The following PTPN2 variants were observed in gnomAD, a reference collection of about 807,000 sequenced individuals.
The protein encoded by PTPN2 is protein tyrosine phosphatase non-receptor type 2.
A neutral mutation model predicts 57.3 loss-of-function variants in PTPN2; 19 were observed. That is an observed-to-expected ratio of 0.33 (90% CI 0.23 to 0.49). The LOEUF is 0.49. PTPN2 is among the 20% of genes least tolerant of loss of function. The pLI is 0.99. For missense variants in PTPN2, 358 were observed against 501.1 expected, an observed-to-expected ratio of 0.71 and a Z score of 2.73; for synonymous variants, 153 against 164.9, an observed-to-expected ratio of 0.93 and a Z score of 0.55.
At chr18:12,872,605 G>A (rs2044307723) in intron 1 of PTPN2, among the ~76,000 whole-genome samples, 1 of 152,184 alleles carries the variant, frequency 6.6e-6, no homozygotes, top group Non-Finnish European at 1.5e-5. Context: ...TCAGTTTCTT[G>A]ACCACAATTT....
chr18:12,822,790 T>C (rs1203694188), intron 5 of PTPN2, among the ~76,000 whole-genome samples: 1 of 152,184 alleles, frequency 6.6e-6, no homozygotes, highest in East Asian at 1.9e-4. Context: ...CCTTTTCAAC[T>C]ACTCCCGGTT....
At chr18:12,865,826 A>T (rs2043973604) in intron 1 of PTPN2, among the ~76,000 whole-genome samples, 1 of 152,074 alleles carries the variant, frequency 6.6e-6, no homozygotes, top group Middle Eastern at 3.4e-3. Context: ...AAAAAAAACC[A>T]AAAAACAAAA....
chr18:12,819,206 G>C, intron 5 of PTPN2: 1 of 1,346,424 alleles, frequency 7.4e-7, no homozygotes, highest in Non-Finnish European at 1.0e-6. Flanking sequence ...TTTCTAAAAA[G>C]TACATACTTT....
At chr18:12,819,212 A>G (rs1185257904) in intron 5 of PTPN2, 2 of 1,382,468 alleles carry the variant, frequency 1.4e-6, no homozygotes, top group Non-Finnish European at 1.9e-6. Flanking sequence ...AAAAGTACAT[A>G]CTTTTAGTGA....
intron 5 of PTPN2, chr18:12,819,425 A>C (rs2042195068): frequency 2.5e-6 from 1 of 400,876 alleles, no homozygotes; most frequent in Non-Finnish European, 4.4e-6. Flanking sequence ...TTTTTATGAC[A>C]TTCTGGAAAA....
chr18:12,874,533 TG>T lies in PTPN2; in HGVS notation c.69+9539del, dbSNP rs748527941. ...CCAGCCGCCCCGTCCGGGAGGAAGGTGGGGGGGGGTCAGCTCCCCGCCCGGC... is the reference window on the plus strand; with the variant it reads ...CCAGCCGCCCCGTCCGGGAGGAAGGTGGGGGGGGTCAGCTCCCCGCCCGGC... On this transcript the variant is annotated intron_variant, in intron 1 of 8. Transcript: ENST00000309660. Among the ~76,000 whole-genome samples, 95 of 57,080 alleles carry T rather than the reference TG, an allele frequency of 1.7e-3. 2 individuals carry two copies. The highest frequency in any genetic ancestry group is 3.8e-3 in the African/African-American group (53 of 14,078). 37.4% of individuals were successfully genotyped at this position (57,080 alleles called of 152,430 possible).
At chr18:12,818,263 T>A (rs2042145679) in intron 5 of PTPN2, among the ~76,000 whole-genome samples, 1 of 152,216 alleles carries the variant, frequency 6.6e-6, no homozygotes, top group Admixed American at 6.5e-5. Context: ...TCTTTTAGAT[T>A]CTGCTACACA....
Position 12,794,252 on chromosome 18 carries a change from G to A in PTPN2, c.*26C>T. The A allele has an allele frequency of 6.2e-7, 1 of 1,613,782 alleles. No individual in the cohort carries two copies. Among genetic ancestry groups the A allele is most frequent in the Non-Finnish European group, 8.5e-7 (1 of 1,179,878 alleles). On this transcript the variant is annotated 3_prime_UTR_variant, in exon 9 of 9. Transcript: ENST00000309660. ...TGTAGCACTGTCAGTTACTAGTGCA[G>A]AAGCTTGCTGGGCAAAATTAATTGT...
In PTPN2 at chr18:12,875,122, C is replaced by G. The variant is rs554590558; in HGVS notation, c.69+8951G>C. On this transcript the variant is annotated intron_variant, in intron 1 of 8. Transcript: ENST00000309660. ...TGCTTGAAGGCAGCATGCTCGTTAACAGTCATCACCACTCCCTAATCTCAA... is the reference window on the plus strand; with the variant it reads ...TGCTTGAAGGCAGCATGCTCGTTAAGAGTCATCACCACTCCCTAATCTCAA... 8.8e-3 allele frequency among the ~76,000 whole-genome samples: 1,342 copies of G among 152,074 alleles called. 20 individuals are homozygous for G. The highest frequency in any genetic ancestry group is 0.028 in the African/African-American group (1,169 of 41,392).
chr18:12,826,498 C>A (rs1288132706), intron 4 of PTPN2, among the ~76,000 whole-genome samples: 2 of 152,202 alleles, frequency 1.3e-5, no homozygotes, highest in African/African-American at 4.8e-5. Context: ...TTCTCTCAGA[C>A]TCAGAAATCC....
At chr18:12,846,091 TG>T (rs1178542664) in intron 2 of PTPN2, among the ~76,000 whole-genome samples, 1 of 152,222 alleles carries the variant, frequency 6.6e-6, no homozygotes, top group African/African-American at 2.4e-5. Flanking sequence ...GAGTTCAGTT[TG>T]TATATTTTTG....
chr18:12,831,462 A>G (rs915272733), intron 3 of PTPN2, among the ~76,000 whole-genome samples: 3 of 152,210 alleles, frequency 2.0e-5, no homozygotes, highest in African/African-American at 7.2e-5. Flanking sequence ...TATAGTATTC[A>G]TGTACAATCT....
At chr18:12,869,580 A>T (rs1343363588) in intron 1 of PTPN2, among the ~76,000 whole-genome samples, 2 of 152,236 alleles carry the variant, frequency 1.3e-5, no homozygotes, top group African/African-American at 2.4e-5. Context: ...TTTCGTACAT[A>T]GCTTTGTTCT....
Position 12,884,181 on chromosome 18 carries a change from G to A in PTPN2, c.-40C>T. 1.3e-6 allele frequency: 2 copies of A among 1,530,938 alleles called. No homozygotes were observed. Among genetic ancestry groups the A allele is most frequent in the South Asian group, 1.2e-5 (1 of 83,832 alleles). 94.8% of individuals were successfully genotyped at this position (1,530,938 alleles called of 1,614,324 possible). ...GCTGGCGCGAGCAGAGCCTGCGCCGGCGGAGAGGCTCAGGCCCCGCACGAT... is the reference window on the plus strand; with the variant it reads ...GCTGGCGCGAGCAGAGCCTGCGCCGACGGAGAGGCTCAGGCCCCGCACGAT... On this transcript the variant is annotated 5_prime_UTR_variant, in exon 1 of 9. Coordinates refer to ENST00000309660, the MANE Select transcript of PTPN2 (RefSeq NM_002828.4).
chr18:12,816,136 T>A (rs950994504), intron 6 of PTPN2, among the ~76,000 whole-genome samples: 1 of 152,094 alleles, frequency 6.6e-6, no homozygotes, highest in Non-Finnish European at 1.5e-5. Flanking sequence ...AGGCCTTGTC[T>A]CTACTAAAAA....
chr18:12,786,136 CAAG>C (rs2040838635), intron 9 of PTPN2: 1 of 419,794 alleles, frequency 2.4e-6, no homozygotes, highest in Non-Finnish European at 4.2e-6. Context: ...TTATTTTACT[CAAG>C]AAGTGACCTC....
intron 3 of PTPN2, among the ~76,000 whole-genome samples, chr18:12,831,691 A>C (rs1235763673): frequency 6.6e-6 from 1 of 152,238 alleles, no homozygotes; most frequent in Non-Finnish European, 1.5e-5. Context: ...TAGAAAAAGT[A>C]GGAATCATTA....
In PTPN2 at chr18:12,830,993, G is replaced by A; in HGVS notation, c.310C>T (p.Gln104Ter). Residue 104 changes from glutamine (Q) to a stop codon, truncating the protein, a stop_gained, in exon 4 of 9, where the codon CAG becomes TAG. Transcript: ENST00000309660. LOFTEE classifies it high-confidence loss of function. Reference sequence around the variant, plus strand: ...AGCATGACAACTGCTTTGGTCTTCTGCTGCCAAACCATAAGCCAGAAATGG... The same window carrying A: ...AGCATGACAACTGCTTTGGTCTTCTACTGCCAAACCATAAGCCAGAAATGG... ...CCHFWLMVWQ[Q>*]KTKAVVMLNR... The A allele has an allele frequency of 6.2e-7, 1 of 1,611,574 alleles. No homozygotes were observed. The highest frequency in any genetic ancestry group is 8.5e-7 in the Non-Finnish European group (1 of 1,177,800).
chr18:12,797,106 C>A (rs1409792188), intron 8 of PTPN2, among the ~76,000 whole-genome samples: 1 of 152,138 alleles, frequency 6.6e-6, no homozygotes, highest in Non-Finnish European at 1.5e-5. Flanking sequence ...TTCACTATCA[C>A]AAATATGCAT....
Sources: allele counts gnomAD v4.1 joint callset (sites outside exome capture counted in the v4.1 genomes callset), GRCh38; gene constraint gnomAD v4.1.1; transcripts MANE v1.5; gene names NCBI Gene and HGNC (gene_info 2026-07-23, HGNC 2026-07-21).